KCNIP4: variants seen among roughly 807,000 people sequenced by gnomAD.
KCNIP4 encodes the protein potassium voltage-gated channel interacting protein 4.
KCNIP4 carries 12 observed loss-of-function variants against 34.0 expected under a neutral mutation model. That is an observed-to-expected ratio of 0.35 (90% CI 0.23 to 0.57). The LOEUF (loss-of-function observed/expected upper bound fraction) is 0.57. Among genes scored for constraint, KCNIP4 ranks in the 20% least tolerant of loss-of-function variants. KCNIP4 has a pLI of 0.83. For synonymous variants in KCNIP4, 124 were observed against 102.2 expected (o/e 1.21, Z -1.29); for missense variants, 238 against 311.7 (o/e 0.76, Z 1.78).
chr4:21,925,187 A>G (rs922573672), intron 1 of KCNIP4, among the ~76,000 whole-genome samples: 4 of 151,288 alleles, frequency 2.6e-5, no homozygotes, highest in Non-Finnish European at 4.4e-5. Flanking sequence ...GCACCCATTA[A>G]CTCGTCATTT....
chr4:21,574,181 T>C (rs1740565635), intron 1 of KCNIP4, among the ~76,000 whole-genome samples: 1 of 152,102 alleles, frequency 6.6e-6, no homozygotes, highest in Admixed American at 6.6e-5. Flanking sequence ...TTACAAATGG[T>C]GGTGTCTTAG....
intron 1 of KCNIP4, among the ~76,000 whole-genome samples, chr4:21,201,195 GT>G (rs1483945964): frequency 6.6e-6 from 1 of 152,208 alleles, no homozygotes; most frequent in Admixed American, 6.5e-5. Flanking sequence ...GAAGCTTTCT[GT>G]TTTAGCAGTA....
intron 1 of KCNIP4, among the ~76,000 whole-genome samples, chr4:20,949,853 G>C (rs7441553): frequency 8.0e-6 from 1 of 124,498 alleles, no homozygotes. Flanking sequence ...CTCTGGGGAC[G>C]GTTGGGGGGT....
intron 1 of KCNIP4, among the ~76,000 whole-genome samples, chr4:21,325,763 T>C: frequency 6.6e-6 from 1 of 151,892 alleles, no homozygotes; most frequent in East Asian, 1.9e-4. Context: ...AGACTCCTTT[T>C]GCTATATCTC....
At chr4:21,556,702 C>T (rs1368944737) in intron 1 of KCNIP4, among the ~76,000 whole-genome samples, 1 of 151,920 alleles carries the variant, frequency 6.6e-6, no homozygotes, top group African/African-American at 2.4e-5. Context: ...AGGCAGATCA[C>T]CTGAGGTCAG....
intron 3 of KCNIP4, among the ~76,000 whole-genome samples, chr4:20,768,974 G>A (rs1224538077): frequency 6.6e-6 from 1 of 151,658 alleles, no homozygotes; most frequent in Non-Finnish European, 1.5e-5. Flanking sequence ...GGGTCACCCA[G>A]GATGAAGCAG....
chr4:21,305,731 C>G (rs1228220585), intron 1 of KCNIP4, among the ~76,000 whole-genome samples: 8 of 152,230 alleles, frequency 5.3e-5, no homozygotes, highest in African/African-American at 1.7e-4. Context: ...TTCACCCAAA[C>G]TCATTCTGGG....
At chr4:21,790,876 C>T (rs1720232010) in intron 1 of KCNIP4, among the ~76,000 whole-genome samples, 1 of 141,282 alleles carries the variant, frequency 7.1e-6, no homozygotes, top group African/African-American at 2.5e-5. Context: ...TCTGTAGCAT[C>T]ACAATCTTCA....
intron 1 of KCNIP4, chr4:21,303,989 T>C: frequency 7.0e-7 from 1 of 1,422,368 alleles, no homozygotes; most frequent in Non-Finnish European, 9.3e-7. Flanking sequence ...TAAACTACAT[T>C]AAGAAGGCTA....
chr4:20,891,254 G>C (rs892296413), intron 1 of KCNIP4, among the ~76,000 whole-genome samples: 2 of 152,112 alleles, frequency 1.3e-5, no homozygotes, highest in African/African-American at 4.8e-5. Flanking sequence ...AAGTCTGGTG[G>C]AAGAAAATGG....
At chr4:21,732,356 C>T (rs1452835620) in intron 1 of KCNIP4, among the ~76,000 whole-genome samples, 1 of 152,100 alleles carries the variant, frequency 6.6e-6, no homozygotes, top group Non-Finnish European at 1.5e-5. Flanking sequence ...TCAAAGCATA[C>T]TAAGTGATTG....
intron 1 of KCNIP4, among the ~76,000 whole-genome samples, chr4:21,790,472 T>A (rs372421187): frequency 5.7e-4 from 87 of 152,240 alleles, no homozygotes; most frequent in Middle Eastern, 6.8e-3. Flanking sequence ...AGAGGTGGGA[T>A]TTACCTTTCC....
chr4:21,802,484 T>C (rs1560725764), intron 1 of KCNIP4, among the ~76,000 whole-genome samples: 2 of 152,202 alleles, frequency 1.3e-5, no homozygotes, highest in Admixed American at 1.3e-4. Flanking sequence ...GTATTTTTTA[T>C]TTCCATATTG....
At chr4:20,853,422 G>T (rs55765335) in intron 2 of KCNIP4, among the ~76,000 whole-genome samples, 32,161 of 152,066 alleles carry the variant, frequency 0.21, 4,098 homozygotes, top group East Asian at 0.4. Flanking sequence ...ATGGTGCTGG[G>T]ATAATTGGCT....
At position 21,187,137 on chromosome 4, in the gene KCNIP4, A is replaced by C. The variant is rs189441027; in HGVS notation, c.62-304428T>G. 1.4e-3 allele frequency among the ~76,000 whole-genome samples: 211 copies of C among 152,260 alleles called. 3 individuals are homozygous for C. The highest frequency in any genetic ancestry group is 3.8e-4 in the Non-Finnish European group (26 of 68,022). On this transcript the variant is annotated intron_variant, in intron 1 of 8. Transcript: ENST00000382152. ...ATTCATTTATTTTGTTAAATCTCTA[A>C]TGTATAGCTTAGCTGAAGTCAATAA... is the stretch of plus-strand genomic sequence containing the variant.
chr4:20,790,361 T>A (rs997607918), intron 3 of KCNIP4, among the ~76,000 whole-genome samples: 1 of 152,184 alleles, frequency 6.6e-6, no homozygotes, highest in African/African-American at 2.4e-5. Context: ...ATAAGTAGGC[T>A]ACCCTAAATT....
At chr4:21,817,650 A>C (rs904560466) in intron 1 of KCNIP4, among the ~76,000 whole-genome samples, 3 of 151,926 alleles carry the variant, frequency 2.0e-5, no homozygotes, top group African/African-American at 4.8e-5. Flanking sequence ...TCCTTGCGGG[A>C]GGTCTATAAA....
At chr4:21,234,413 TATA>T (rs1759165583) in intron 1 of KCNIP4, among the ~76,000 whole-genome samples, 1 of 130,720 alleles carries the variant, frequency 7.6e-6, no homozygotes. Flanking sequence ...TTATATAACA[TATA>T]CTATATATAT....
intron 1 of KCNIP4, among the ~76,000 whole-genome samples, chr4:21,155,217 A>G (rs548444946): frequency 3.4e-4 from 52 of 152,242 alleles, no homozygotes; most frequent in African/African-American, 1.2e-3. Context: ...TTTATGAGAG[A>G]GAAATTAATA....
Sources: gnomAD v4.1 joint callset for allele counts (sites outside exome capture counted in the v4.1 genomes callset) on GRCh38, gnomAD v4.1.1 for gene constraint, MANE v1.5 for transcripts, NCBI Gene and HGNC (gene_info 2026-07-23, HGNC 2026-07-21) for gene names.